The following ARRDC4 variants were observed in gnomAD, a reference collection of about 807,000 sequenced individuals.
ARRDC4 encodes arrestin domain-containing protein 4.
Under a neutral mutation model 44.6 loss-of-function variants are expected in ARRDC4, and 40 were observed. That is an observed-to-expected ratio of 0.90 (90% CI 0.70 to 1.17). The LOEUF (loss-of-function observed/expected upper bound fraction) is 1.17, where lower values mean the gene tolerates loss of function less well. ARRDC4 is among the 50% of genes most tolerant of loss of function. The pLI, the probability that ARRDC4 is intolerant of heterozygous loss-of-function variation, is 0.00. For missense variants in ARRDC4, 550 were observed against 559.1 expected (o/e 0.98, Z 0.16); for synonymous variants, 211 against 221.2 (o/e 0.95, Z 0.41).
In ARRDC4 at chr15:97,970,344, A is replaced by G. The variant is rs542352473; in HGVS notation, c.1046-245A>G. On this transcript the variant is annotated intron_variant, in intron 6 of 7. Coordinates refer to ENST00000268042, the MANE Select transcript of ARRDC4 (RefSeq NM_183376.3). This position sits in a 1 kb window ranked among gnomAD's most constrained non-coding sequence, Gnocchi z 4.2. ...ATGTATGGTGTGTTATGTCTTTTCTATAGTCATATTTCAGTGATATTTGTT... is the reference window on the plus strand; with the variant it reads ...ATGTATGGTGTGTTATGTCTTTTCTGTAGTCATATTTCAGTGATATTTGTT... Among the ~76,000 whole-genome samples, 2 of 152,284 alleles carry G rather than the reference A, an allele frequency of 1.3e-5. No homozygotes were observed. The highest frequency in any genetic ancestry group is 4.8e-5 in the African/African-American group (2 of 41,568).
rs145281314 is a variant in ARRDC4, at chr15:97,969,885, A to G, written c.885A>G (p.Val295=). ...TTTTTTTTTTTTTGGCTTATTAGGTATACATTCACATTCCTGGTGCTAAAA... is the reference window on the plus strand; with the variant it reads ...TTTTTTTTTTTTTGGCTTATTAGGTGTACATTCACATTCCTGGTGCTAAAA... The part of the protein sequence containing the change: ...CIIRVDYSLA[V]YIHIPGAKKL... The change falls in exon 6 of 8, where the codon GTA becomes GTG. Residue 295 remains valine (V), a splice_region_variant and synonymous_variant. Transcript: ENST00000268042. The G allele has an allele frequency of 1.5e-5, 24 of 1,559,664 alleles. No individual in the cohort carries two copies. The African/African-American group carries it at 3.3e-4, about 21-fold the overall frequency.
chr15:97,970,754 C>A lies in ARRDC4; in HGVS notation c.1200+11C>A, dbSNP rs1205933337. 2 of 1,601,382 alleles carry A rather than the reference C, an allele frequency of 1.2e-6. No homozygotes were observed. The highest frequency in any genetic ancestry group is 3.5e-5 in the Admixed American group (2 of 57,036). Reference sequence around the variant, plus strand: ...CCTCTTTATTCAGAGGTAAGCAAAGCAAAAGAAAATTAGACTTTTACTGTA... The same window carrying A: ...CCTCTTTATTCAGAGGTAAGCAAAGAAAAAGAAAATTAGACTTTTACTGTA... On this transcript the variant is annotated intron_variant, in intron 7 of 7. Transcript: ENST00000268042. This position sits in a 1 kb window ranked among gnomAD's most constrained non-coding sequence, Gnocchi z 4.2.
chr15:97,969,153 A>G lies in ARRDC4; in HGVS notation c.656A>G (p.Glu219Gly), dbSNP rs1899465149. The change falls in exon 5 of 8, where the codon GAA becomes GGA. Residue 219 changes from glutamate to glycine, a missense_variant. Transcript: ENST00000268042. Reference sequence around the variant, plus strand: ...GCTATTCCAATCTATGCAGAAATAGAAAATTGTTCCTCTCGTCTGATTGTT... The same window carrying G: ...GCTATTCCAATCTATGCAGAAATAGGAAATTGTTCCTCTCGTCTGATTGTT... ...GEAIPIYAEI[E>G]NCSSRLIVPK... 4 of 1,613,898 alleles carry G rather than the reference A, an allele frequency of 2.5e-6. No homozygotes were observed. In the Middle Eastern group the frequency reaches 5.0e-4, roughly 200 times the overall value.
chr15:97,961,145 T>C lies in ARRDC4; in HGVS notation c.284T>C (p.Leu95Pro), dbSNP rs1359840391. The change falls in exon 1 of 8, where the codon CTC (leucine) becomes CCC (proline). Residue 95 changes from leucine (L) to proline (P), a missense_variant. Transcript: ENST00000268042. Reference sequence around the variant, plus strand: ...GAGGTGGAGTACCTGAACGTGCGCCTCAGCCTGCGGGAGCCCCCGGCCGGT... The same window carrying C: ...GAGGTGGAGTACCTGAACGTGCGCCCCAGCCTGCGGGAGCCCCCGGCCGGT... ...FSEVEYLNVR[L>P]SLREPPAGEG... The C allele has an allele frequency of 6.9e-7, 1 of 1,447,872 alleles. No homozygotes were observed. The highest frequency in any genetic ancestry group is 2.9e-5 in the Admixed American group (1 of 34,716). 89.7% of individuals were successfully genotyped at this position (1,447,872 alleles called of 1,614,324 possible). A position where few individuals can be genotyped will look rare whatever the true frequency, so the allele number is the denominator to read the frequency against.
chr15:97,963,557 C>T (rs1283633474), intron 1 of ARRDC4, among the ~76,000 whole-genome samples: 1 of 152,194 alleles, frequency 6.6e-6, no homozygotes, highest in Non-Finnish European at 1.5e-5. Context: ...TGCTCTTCCT[C>T]ATGCTATTCC....
Position 97,972,204 on chromosome 15 carries a change from AG to A in ARRDC4, c.*1018del, listed in dbSNP as rs1374921613. On this transcript the variant is annotated 3_prime_UTR_variant, in exon 8 of 8. Transcript: ENST00000268042. This position sits in a 1 kb window ranked among gnomAD's most constrained non-coding sequence, Gnocchi z 5.3. The stretch of plus-strand genomic sequence containing the variant: ...TGAAACTGGGCCAAGGGGAAAATTC[AG>A]TAAGTTAGCGTTAAATGGAAGTAAA... 2 of 152,610 alleles carry A rather than the reference AG, an allele frequency of 1.3e-5. No individual in the cohort carries two copies. The highest frequency in any genetic ancestry group is 4.8e-5 in the African/African-American group (2 of 41,442). The allele number at this position is 152,610 out of a possible 1,614,324, so 9.5% of individuals were successfully genotyped here.
At position 97,970,882 on chromosome 15, in the gene ARRDC4, A is replaced by C; in HGVS notation, c.1200+139A>C. The C allele has an allele frequency of 1.8e-6, 2 of 1,100,092 alleles. No individual in the cohort carries two copies. The highest frequency in any genetic ancestry group is 2.6e-6 in the Non-Finnish European group (2 of 780,218). The allele number at this position is 1,100,092 out of a possible 1,614,324, so 68.1% of individuals were successfully genotyped here. A position where few individuals can be genotyped will look rare whatever the true frequency, so the allele number is the denominator to read the frequency against. On this transcript the variant is annotated intron_variant, in intron 7 of 7. Transcript: ENST00000268042. The surrounding 1 kb of genome is among the most constrained non-coding windows in gnomAD (Gnocchi z 4.2). Reference sequence around the variant, plus strand: ...TTAAATTTGTTTATACAGTGGTAATAGATTATCGCTGATTCATTTGCCAGA... The same window carrying C: ...TTAAATTTGTTTATACAGTGGTAATCGATTATCGCTGATTCATTTGCCAGA...
Position 97,960,787 on chromosome 15 carries a change from G to A in ARRDC4, c.-75G>A. ...TACCCTGCCGCGAGCGCCTGTGACA[G>A]CGGCGCCGCTGTGCTCGCGACCCCG... is the stretch of plus-strand genomic sequence containing the variant. On this transcript the variant is annotated 5_prime_UTR_variant, in exon 1 of 8. Coordinates refer to ENST00000268042, the MANE Select transcript of ARRDC4 (RefSeq NM_183376.3). The A allele has an allele frequency of 1.6e-6, 2 of 1,227,114 alleles. No individual in the cohort carries two copies. The highest frequency in any genetic ancestry group is 2.0e-6 in the Non-Finnish European group (2 of 977,640). 76.0% of individuals were successfully genotyped at this position (1,227,114 alleles called of 1,614,324 possible). A position where few individuals can be genotyped will look rare whatever the true frequency, so the allele number is the denominator to read the frequency against.
At position 97,966,072 on chromosome 15, in the gene ARRDC4, CT is replaced by C. The variant is rs773515883; in HGVS notation, c.522+34del. 19 of 1,609,158 alleles carry C rather than the reference CT, an allele frequency of 1.2e-5. No individual in the cohort carries two copies. The African/African-American group carries it at 2.4e-4, about 20-fold the overall frequency. On this transcript the variant is annotated intron_variant, in intron 3 of 7. Transcript: ENST00000268042. This position sits in a 1 kb window ranked among gnomAD's most constrained non-coding sequence, Gnocchi z 4.7. ...GTTCTTCCTTTTTCTCTTCCTCCTC[CT>C]TTTCCTCCTTCCCTCCCTTCCTCCT...
chr15:97,965,441 C>T lies in ARRDC4; in HGVS notation c.308-159C>T. Among the ~76,000 whole-genome samples, 1 of 151,204 alleles carries T rather than the reference C, an allele frequency of 6.6e-6. No homozygotes were observed. On this transcript the variant is annotated intron_variant, in intron 1 of 7. Coordinates refer to ENST00000268042, the MANE Select transcript of ARRDC4 (RefSeq NM_183376.3). This position sits in a 1 kb window ranked among gnomAD's most constrained non-coding sequence, Gnocchi z 5.1. ...AACACATAGACACACGCACACACAC[C>T]CCCCTTCAAACTTAATTCTCTACAT...
At chr15:97,963,977 C>G (rs1899370242) in intron 1 of ARRDC4, among the ~76,000 whole-genome samples, 1 of 152,140 alleles carries the variant, frequency 6.6e-6, no homozygotes, top group South Asian at 2.1e-4. Flanking sequence ...CCACTGGGAC[C>G]CGCCCTGCCA....
intron 1 of ARRDC4, among the ~76,000 whole-genome samples, chr15:97,963,981 C>G (rs553602929): frequency 1.7e-3 from 266 of 152,252 alleles, no homozygotes; most frequent in African/African-American, 6.2e-3. Flanking sequence ...TGGGACCCGC[C>G]CTGCCACTGA....
rs1899432953 is a variant in ARRDC4 at position 97,967,272 on chromosome 15, C to T, written c.523-742C>T. Among the ~76,000 whole-genome samples the T allele has an allele frequency of 6.6e-6, 1 of 151,794 alleles. No homozygotes were observed. Among genetic ancestry groups the T allele is most frequent in the Admixed American group, 6.6e-5 (1 of 15,244 alleles). On this transcript the variant is annotated intron_variant, in intron 3 of 7. Coordinates refer to ENST00000268042, the MANE Select transcript of ARRDC4 (RefSeq NM_183376.3). This position sits in a 1 kb window ranked among gnomAD's most constrained non-coding sequence, Gnocchi z 5.0. ...TTTGCCAAAAACAGACACTGTTGAT[C>T]CCTTACGATTCTTTATATAAATAAA...
Position 97,968,838 on chromosome 15 carries a change from C to T in ARRDC4, c.626-285C>T, listed in dbSNP as rs1422821604. Among the ~76,000 whole-genome samples, 1 of 152,122 alleles carries T rather than the reference C, an allele frequency of 6.6e-6. No homozygotes were observed. Among genetic ancestry groups the T allele is most frequent in the Non-Finnish European group, 1.5e-5 (1 of 68,010 alleles). ...AGTCCTGAATCATTTATTTGTATGT[C>T]TTATCCTAATTTATATAGACACTGG... On this transcript the variant is annotated intron_variant, in intron 4 of 7. Coordinates refer to ENST00000268042, the MANE Select transcript of ARRDC4 (RefSeq NM_183376.3). The surrounding 1 kb of genome is among the most constrained non-coding windows in gnomAD (Gnocchi z 5.4).
chr15:97,966,551 C>T lies in ARRDC4; in HGVS notation c.522+509C>T, dbSNP rs956348529. On this transcript the variant is annotated intron_variant, in intron 3 of 7. Coordinates refer to ENST00000268042, the MANE Select transcript of ARRDC4 (RefSeq NM_183376.3). The surrounding 1 kb of genome is among the most constrained non-coding windows in gnomAD (Gnocchi z 4.7). ...ACATTAAGTAAGTGCATGCAGCTGC[C>T]GCCGAGATCCTTTCACTTATCATTT... is the stretch of plus-strand genomic sequence containing the variant. Among the ~76,000 whole-genome samples, 5 of 152,028 alleles carry T rather than the reference C, an allele frequency of 3.3e-5. No homozygotes were observed. Among genetic ancestry groups the T allele is most frequent in the African/African-American group, 9.7e-5 (4 of 41,388 alleles).
rs953255317 is a variant in ARRDC4 at position 97,967,732 on chromosome 15, G to A, written c.523-282G>A. On this transcript the variant is annotated intron_variant, in intron 3 of 7. Transcript: ENST00000268042. The surrounding 1 kb of genome is among the most constrained non-coding windows in gnomAD (Gnocchi z 5.0). ...CTTTTGATTTTTTTTTAAAAAAATG[G>A]TATATTATTTCCTGGAAACATAATG... Among the ~76,000 whole-genome samples, 3 of 151,500 alleles carry A rather than the reference G, an allele frequency of 2.0e-5. No homozygotes were observed. The highest frequency in any genetic ancestry group is 4.9e-5 in the African/African-American group (2 of 41,224).
chr15:97,967,910 G>A lies in ARRDC4; in HGVS notation c.523-104G>A. On this transcript the variant is annotated intron_variant, in intron 3 of 7. Transcript: ENST00000268042. The surrounding 1 kb of genome is among the most constrained non-coding windows in gnomAD (Gnocchi z 5.0). ...ATAAGAAAGTTTGATTCATTTTTTT[G>A]GTATTTCCTTACAACCATTCTGTGA... 1.5e-6 allele frequency: 1 copy of A among 645,382 alleles called. No individual in the cohort carries two copies. Among genetic ancestry groups the A allele is most frequent in the African/African-American group, 1.9e-5 (1 of 53,046 alleles). 40.0% of individuals were successfully genotyped at this position (645,382 alleles called of 1,614,324 possible).
At chr15:97,962,705 A>G (rs981290314) in intron 1 of ARRDC4, among the ~76,000 whole-genome samples, 2 of 152,222 alleles carry the variant, frequency 1.3e-5, no homozygotes, top group South Asian at 4.1e-4. Flanking sequence ...AGAATGTATC[A>G]TAGCACATAT....
intron 5 of ARRDC4, 27 bp from the exon 6 acceptor site, chr15:97,969,856 C>CTTTT: frequency 5.9e-6 from 8 of 1,352,658 alleles, no homozygotes; most frequent in South Asian, 3.1e-5. Context: ...GTTCCTTTCT[C>CTTTT]TTTTTTTTTT....
Sources: gnomAD v4.1 joint callset for allele counts (sites outside exome capture counted in the v4.1 genomes callset) on GRCh38, gnomAD v4.1.1 for gene constraint, Gnocchi (gnomAD v3.1) non-coding constraint, MANE v1.5 for transcripts, NCBI Gene and HGNC (gene_info 2026-07-23, HGNC 2026-07-21) for gene names.